The following PAQR5 variants were observed in gnomAD, a reference collection of about 807,000 sequenced individuals.
PAQR5 encodes the protein progestin and adipoQ receptor family member 5.
PAQR5 carries 20 observed loss-of-function variants against 34.5 expected under a neutral mutation model. The observed-to-expected ratio is 0.58, with a 90% CI of 0.41 to 0.84. The LOEUF (loss-of-function observed/expected upper bound fraction) is 0.84. Ranked by LOEUF, PAQR5 falls within the 40% of genes least tolerant of loss-of-function variation. The pLI, the probability that PAQR5 is intolerant of heterozygous loss-of-function variation, is 0.00. For synonymous variants in PAQR5, 131 were observed against 155.6 expected (o/e 0.84, Z 1.18); for missense variants, 378 against 412.7 (o/e 0.92, Z 0.73).
intron 1 of PAQR5, among the ~76,000 whole-genome samples, chr15:69,306,147 G>C (rs976141045): frequency 6.6e-6 from 1 of 152,066 alleles, no homozygotes; most frequent in African/African-American, 2.4e-5. Context: ...TACATGGAAT[G>C]CATGGAGTGG....
chr15:69,387,647 A>G (rs2056149045), intron 5 of PAQR5, among the ~76,000 whole-genome samples: 1 of 152,196 alleles, frequency 6.6e-6, no homozygotes, highest in Admixed American at 6.5e-5. Flanking sequence ...GGTAAGTGAC[A>G]GGTCACACAG....
In PAQR5 at chr15:69,385,083, C is replaced by G. The variant is rs1353771559; in HGVS notation, c.385+201C>G. On this transcript the variant is annotated intron_variant, in intron 5 of 8. Coordinates refer to ENST00000395407, the MANE Select transcript of PAQR5 (RefSeq NM_017705.4). The surrounding 1 kb of genome is among the most constrained non-coding windows in gnomAD (Gnocchi z 4.7). Reference sequence around the variant, plus strand: ...GCTGCTAAATATTTAGCCACTGGCTCTGTGGGGACAACAGCCCCGATCTGC... The same window carrying G: ...GCTGCTAAATATTTAGCCACTGGCTGTGTGGGGACAACAGCCCCGATCTGC... 6.6e-6 allele frequency among the ~76,000 whole-genome samples: 1 copy of G among 152,172 alleles called. No homozygotes were observed. The highest frequency in any genetic ancestry group is 1.5e-5 in the Non-Finnish European group (1 of 68,026).
chr15:69,402,043 T>C (rs532798556), intron 8 of PAQR5, among the ~76,000 whole-genome samples: 1 of 152,228 alleles, frequency 6.6e-6, no homozygotes, highest in South Asian at 2.1e-4. Flanking sequence ...CTTTTTATTT[T>C]ATTTTTTTTA....
chr15:69,363,940 G>A (rs569537088), intron 3 of PAQR5, among the ~76,000 whole-genome samples: 2 of 152,232 alleles, frequency 1.3e-5, no homozygotes, highest in Admixed American at 1.3e-4. Flanking sequence ...TAGTTTAGGG[G>A]CATGGACAGG....
chr15:69,354,814 C>T (rs1020626357), intron 2 of PAQR5, among the ~76,000 whole-genome samples: 1 of 152,158 alleles, frequency 6.6e-6, no homozygotes, highest in Non-Finnish European at 1.5e-5. Context: ...TGTGGGCAGA[C>T]ACCATCCAAT....
chr15:69,386,254 A>G (rs11072094), intron 5 of PAQR5, among the ~76,000 whole-genome samples: 134,303 of 151,440 alleles, frequency 0.89, 60,298 homozygotes, highest in South Asian at 0.97. Context: ...CACCACACAC[A>G]CACATCACAC....
chr15:69,389,211 G>A (rs983921309), intron 5 of PAQR5, among the ~76,000 whole-genome samples: 5 of 152,136 alleles, frequency 3.3e-5, no homozygotes, highest in Admixed American at 6.5e-5. Flanking sequence ...AGCTCAGCTC[G>A]CTGGGTCTGT....
intron 1 of PAQR5, among the ~76,000 whole-genome samples, 172 bp downstream of exon 1, chr15:69,299,228 C>T (rs2053465796): frequency 1.3e-5 from 2 of 152,268 alleles, no homozygotes; most frequent in South Asian, 4.1e-4. Context: ...CCTGATCCGG[C>T]GGCGGCGCGG....
chr15:69,300,965 T>TTCTTTCTTTCTTTCTC, intron 1 of PAQR5, among the ~76,000 whole-genome samples: 1 of 65,206 alleles, frequency 1.5e-5, no homozygotes, highest in African/African-American at 6.6e-5. Flanking sequence ...CTTTCTTTCT[T>TTCTTTCTTTCTTTCTC]TCTTTCTTTC....
intron 6 of PAQR5, among the ~76,000 whole-genome samples, chr15:69,393,476 C>T (rs2056327063): frequency 7.1e-6 from 1 of 141,158 alleles, no homozygotes; most frequent in Non-Finnish European, 1.6e-5. Context: ...TCAGGGTCTA[C>T]GTCTTCAATG....
At chr15:69,360,880 CTG>C in intron 3 of PAQR5, among the ~76,000 whole-genome samples, 1 of 152,260 alleles carries the variant, frequency 6.6e-6, no homozygotes. Flanking sequence ...CTTGGCTTGG[CTG>C]ATTACCAAGC....
chr15:69,348,892 C>G (rs2054840942), intron 2 of PAQR5, among the ~76,000 whole-genome samples: 1 of 152,156 alleles, frequency 6.6e-6, no homozygotes, highest in African/African-American at 2.4e-5. Context: ...TTCACCGTGC[C>G]ACTCGAACTT....
chr15:69,386,197 TACAC>T (rs1381450717), intron 5 of PAQR5, among the ~76,000 whole-genome samples: 5 of 148,470 alleles, frequency 3.4e-5, no homozygotes, highest in Admixed American at 3.3e-4. Flanking sequence ...TCTCAGACAC[TACAC>T]ACACATTCAC....
intron 1 of PAQR5, among the ~76,000 whole-genome samples, chr15:69,329,535 A>AGT (rs1282039698): frequency 8.0e-6 from 1 of 125,406 alleles, no homozygotes; most frequent in Non-Finnish European, 1.5e-5. Context: ...GATTGTTACC[A>AGT]GTGCAGTGGT....
At chr15:69,349,692 A>C (rs917396417) in intron 2 of PAQR5, among the ~76,000 whole-genome samples, 1 of 150,248 alleles carries the variant, frequency 6.7e-6, no homozygotes, top group Admixed American at 6.6e-5. Context: ...CCCAGGCTGG[A>C]GTGCAATCGC....
intron 2 of PAQR5, among the ~76,000 whole-genome samples, chr15:69,357,487 C>T (rs1340600717): frequency 6.6e-6 from 1 of 152,148 alleles, no homozygotes; most frequent in East Asian, 1.9e-4. Context: ...TGGTCTCAAA[C>T]TCCTGACCTT....
intron 2 of PAQR5, among the ~76,000 whole-genome samples, chr15:69,358,173 A>G (rs1189298027): frequency 1.3e-5 from 2 of 151,960 alleles, no homozygotes; most frequent in African/African-American, 4.8e-5. Context: ...TGCTAAATCC[A>G]AGGTGTATTT....
At chr15:69,384,933 C>A in intron 5 of PAQR5, 51 bp downstream of exon 5, 2 of 1,421,310 alleles carry the variant, frequency 1.4e-6, no homozygotes, top group Non-Finnish European at 9.8e-7. Context: ...GGGCTGTTTG[C>A]CCCTTCTCCT....
chr15:69,333,285 C>T (rs1453519571), intron 1 of PAQR5, among the ~76,000 whole-genome samples: 1 of 152,150 alleles, frequency 6.6e-6, no homozygotes, highest in Non-Finnish European at 1.5e-5. Context: ...GAATTAAAAG[C>T]GGATAGATCC....
Sources: allele counts gnomAD v4.1 joint callset (sites outside exome capture counted in the v4.1 genomes callset), GRCh38; gene constraint gnomAD v4.1.1; non-coding constraint Gnocchi (gnomAD v3.1); transcripts MANE v1.5; gene names NCBI Gene and HGNC (gene_info 2026-07-23, HGNC 2026-07-21).